AGAP1: variants seen among roughly 807,000 people sequenced by gnomAD.
AGAP1 encodes the protein ArfGAP with GTPase domain, ankyrin repeat and PH domain 1.
AGAP1 carries 29 observed loss-of-function variants against 105.3 expected under a neutral mutation model. The observed-to-expected ratio is 0.28, with a 90% CI of 0.21 to 0.38. AGAP1 has a LOEUF of 0.38. Among genes scored for constraint, AGAP1 ranks in the 10% least tolerant of loss-of-function variants. The pLI is 1.00. For missense variants in AGAP1, 998 were observed against 1,165.1 expected (o/e 0.86, Z 2.09); for synonymous variants, 509 against 485.9 (o/e 1.05, Z -0.63).
At chr2:235,897,318 G>A (rs2050853722) in intron 10 of AGAP1, among the ~76,000 whole-genome samples, 1 of 152,180 alleles carries the variant, frequency 6.6e-6, no homozygotes, top group Admixed American at 6.5e-5. Context: ...GGGATTACAG[G>A]CGTGAACCAC....
At chr2:235,899,242 G>A (rs532403665) in intron 10 of AGAP1, among the ~76,000 whole-genome samples, 1 of 152,304 alleles carries the variant, frequency 6.6e-6, no homozygotes, top group South Asian at 2.1e-4. Flanking sequence ...GCCGGGCGCG[G>A]TGGCTCGCAC....
At chr2:235,802,961 T>TGTGATGGTGATGATGGTTGTGATG (rs1448795066) in intron 8 of AGAP1, among the ~76,000 whole-genome samples, 2 of 24,208 alleles carry the variant, frequency 8.3e-5, no homozygotes, top group African/African-American at 1.7e-4. Context: ...TGATGATGGT[T>TGTGATGGTGATGATGGTTGTGATG]GTGATGATGG....
Position 236,003,175 on chromosome 2 carries a change from G to A in AGAP1, c.1646-33386G>A, listed in dbSNP as rs2056194802. ...TTCTTGTGCCTCAACCCCCCAAGTA[G>A]CTGGGACTACAGGCACATGCCGCCA... On this transcript the variant is annotated intron_variant, in intron 13 of 17. Coordinates refer to ENST00000304032, the MANE Select transcript of AGAP1 (RefSeq NM_001037131.3). This position sits in a 1 kb window ranked among gnomAD's most constrained non-coding sequence, Gnocchi z 4.2. Among the ~76,000 whole-genome samples the A allele has an allele frequency of 6.6e-6, 1 of 152,178 alleles. No individual in the cohort carries two copies. The highest frequency in any genetic ancestry group is 1.5e-5 in the Non-Finnish European group (1 of 68,026).
At chr2:235,829,726 C>G (rs187176163) in intron 9 of AGAP1, among the ~76,000 whole-genome samples, 16 of 152,218 alleles carry the variant, frequency 1.1e-4, no homozygotes, top group East Asian at 9.7e-4. Flanking sequence ...GCTTGGTGAC[C>G]CAGCCTGATG....
In AGAP1 at chr2:236,120,336, A is replaced by G; in HGVS notation, c.2259A>G (p.Ala753=). 6.2e-7 allele frequency: 1 copy of G among 1,612,240 alleles called. No individual in the cohort carries two copies. The highest frequency in any genetic ancestry group is 8.5e-7 in the Non-Finnish European group (1 of 1,179,690). ...TGCGGACGGCCATCCTGCTGCTGGC[A>G]CACGGCTCCCGGGACGAGGTGAACG... The part of the protein sequence containing the change: ...EDLRTAILLL[A]HGSRDEVNET... Residue 753 remains alanine, a synonymous_variant, in exon 17 of 18, where the codon GCA becomes GCG. Transcript: ENST00000304032. The surrounding 1 kb of genome is among the most constrained non-coding windows in gnomAD (Gnocchi z 6.0).
rs1261849497 is a variant in AGAP1, at chr2:235,623,238, C to T, written c.164-85941C>T. Among the ~76,000 whole-genome samples the T allele has an allele frequency of 1.3e-5, 2 of 152,200 alleles. No individual in the cohort carries two copies. The highest frequency in any genetic ancestry group is 2.4e-5 in the African/African-American group (1 of 41,446). On this transcript the variant is annotated intron_variant, in intron 1 of 17. Transcript: ENST00000304032. The surrounding 1 kb of genome is among the most constrained non-coding windows in gnomAD (Gnocchi z 4.5). ...GGATGGACTGTTTTGGAGATTTATG[C>T]GTGTTCTGCAGGCTGACCTCTGCTT...
In AGAP1 at chr2:235,934,126, G is replaced by A. The variant is rs930324819; in HGVS notation, c.1483+3203G>A. The stretch of plus-strand genomic sequence containing the variant: ...GCCTCCAGGAGCAGCAGCAGCAGCA[G>A]CCCCTGGGAACTGCTTAGAAATGTT... On this transcript the variant is annotated intron_variant, in intron 12 of 17. Transcript: ENST00000304032. This position sits in a 1 kb window ranked among gnomAD's most constrained non-coding sequence, Gnocchi z 4.9. 6.6e-6 allele frequency among the ~76,000 whole-genome samples: 1 copy of A among 152,198 alleles called. No homozygotes were observed. Among genetic ancestry groups the A allele is most frequent in the African/African-American group, 2.4e-5 (1 of 41,454 alleles).
intron 1 of AGAP1, among the ~76,000 whole-genome samples, chr2:235,644,681 T>C (rs1413196248): frequency 6.6e-6 from 1 of 152,092 alleles, no homozygotes; most frequent in Non-Finnish European, 1.5e-5. Flanking sequence ...ATTTGAGAGT[T>C]AGAACTGATA....
rs1477604222 is a variant in AGAP1 at position 236,120,020 on chromosome 2, G to A, written c.2115-172G>A. Among the ~76,000 whole-genome samples, 2 of 152,222 alleles carry A rather than the reference G, an allele frequency of 1.3e-5. No homozygotes were observed. The highest frequency in any genetic ancestry group is 4.8e-5 in the African/African-American group (2 of 41,464). The stretch of plus-strand genomic sequence containing the variant: ...GGCTGATGCTGCTGGTGAGGATACT[G>A]TTTTGTGAAGGTGGATAAACGTTTC... On this transcript the variant is annotated intron_variant, in intron 16 of 17. Transcript: ENST00000304032. This position sits in a 1 kb window ranked among gnomAD's most constrained non-coding sequence, Gnocchi z 6.0.
chr2:236,052,048 G>A (rs1162883920), intron 16 of AGAP1, among the ~76,000 whole-genome samples: 5 of 152,020 alleles, frequency 3.3e-5, no homozygotes, highest in Admixed American at 2.0e-4. Flanking sequence ...GCCCCACTCC[G>A]CCCCTCCTGG....
At chr2:235,797,672 T>A in intron 6 of AGAP1, 87 bp from the exon 7 acceptor site, 18 of 1,529,220 alleles carry the variant, frequency 1.2e-5, no homozygotes, top group Non-Finnish European at 1.6e-5. Context: ...AAATAACAGA[T>A]TTCGACAACA....
chr2:235,546,962 G>T (rs984931008), intron 1 of AGAP1, among the ~76,000 whole-genome samples: 3 of 152,212 alleles, frequency 2.0e-5, no homozygotes, highest in African/African-American at 7.2e-5. Context: ...CTCTCCACCC[G>T]TAGGGACCTG....
intron 13 of AGAP1, among the ~76,000 whole-genome samples, chr2:236,019,122 A>C (rs1343376111): frequency 6.6e-6 from 1 of 151,962 alleles, no homozygotes; most frequent in African/African-American, 2.4e-5. Context: ...GAGACTTCCA[A>C]CTCATTCACA....
rs1164557247 is a variant in AGAP1 at position 235,882,218 on chromosome 2, A to G, written c.1051-1127A>G. 2 of 375,472 alleles carry G rather than the reference A, an allele frequency of 5.3e-6. No individual in the cohort carries two copies. The highest frequency in any genetic ancestry group is 1.0e-4 in the East Asian group (2 of 19,386). The allele number at this position is 375,472 out of a possible 1,614,324, so 23.3% of individuals were successfully genotyped here. On this transcript the variant is annotated intron_variant, in intron 9 of 17. Transcript: ENST00000304032. The surrounding 1 kb of genome is among the most constrained non-coding windows in gnomAD (Gnocchi z 4.6). ...GCAATCTGATTGGGGGTGGTCCTTCAGAGACCCACAGGCCAGTGGCATCGG... is the reference window on the plus strand; with the variant it reads ...GCAATCTGATTGGGGGTGGTCCTTCGGAGACCCACAGGCCAGTGGCATCGG...
rs369150658 is a variant in AGAP1, at chr2:235,792,274, C to A, written c.674-5485C>A. Among the ~76,000 whole-genome samples the A allele has an allele frequency of 4.1e-4, 63 of 152,282 alleles. No homozygotes were observed. The highest frequency in any genetic ancestry group is 1.4e-3 in the African/African-American group (59 of 41,558). ...TGTGTCTTCCTTAGTTCTCTGCCCC[C>A]ACTTTTCCCCACCCTTCACGTGTCA... On this transcript the variant is annotated intron_variant, in intron 6 of 17. Coordinates refer to ENST00000304032, the MANE Select transcript of AGAP1 (RefSeq NM_001037131.3). The surrounding 1 kb of genome is among the most constrained non-coding windows in gnomAD (Gnocchi z 5.3).
In AGAP1 at chr2:235,769,762, G is replaced by T. The variant is rs1184019903; in HGVS notation, c.673+19274G>T. On this transcript the variant is annotated intron_variant, in intron 6 of 17. Coordinates refer to ENST00000304032, the MANE Select transcript of AGAP1 (RefSeq NM_001037131.3). This position sits in a 1 kb window ranked among gnomAD's most constrained non-coding sequence, Gnocchi z 4.4. ...AGGTGCCGCCTCTCACCTGGTCCTG[G>T]ATCATGGGGGAGGCACAGGCGACGC... 2.0e-5 allele frequency among the ~76,000 whole-genome samples: 3 copies of T among 152,288 alleles called. No individual in the cohort carries two copies. The East Asian group carries it at 5.8e-4, about 29-fold the overall frequency.
In AGAP1 at chr2:235,615,573, A is replaced by G. The variant is rs1946281885; in HGVS notation, c.164-93606A>G. Among the ~76,000 whole-genome samples the G allele has an allele frequency of 6.6e-6, 1 of 152,206 alleles. No individual in the cohort carries two copies. The highest frequency in any genetic ancestry group is 2.4e-5 in the African/African-American group (1 of 41,452). ...CCATTGCAACCTATTTTTTAATGCC[A>G]AGAGAAAGTATTTTAAGGAAGTGGG... is the stretch of plus-strand genomic sequence containing the variant. On this transcript the variant is annotated intron_variant, in intron 1 of 17. Coordinates refer to ENST00000304032, the MANE Select transcript of AGAP1 (RefSeq NM_001037131.3). This position sits in a 1 kb window ranked among gnomAD's most constrained non-coding sequence, Gnocchi z 5.0.
In AGAP1 at chr2:235,893,268, C is replaced by T. The variant is rs897696509; in HGVS notation, c.1155+9819C>T. On this transcript the variant is annotated intron_variant, in intron 10 of 17. Transcript: ENST00000304032. This position sits in a 1 kb window ranked among gnomAD's most constrained non-coding sequence, Gnocchi z 4.7. ...GTGTGCCATGTCCATCATAAGGAAG[C>T]GCCGTGTCTGTAGCGTGGGTGTAGC... Among the ~76,000 whole-genome samples, 9 of 149,434 alleles carry T rather than the reference C, an allele frequency of 6.0e-5. No individual in the cohort carries two copies. The highest frequency in any genetic ancestry group is 1.7e-4 in the African/African-American group (7 of 40,286).
chr2:235,534,235 G>T (rs529987508), intron 1 of AGAP1, among the ~76,000 whole-genome samples: 3 of 152,204 alleles, frequency 2.0e-5, no homozygotes, highest in Non-Finnish European at 4.4e-5. Flanking sequence ...AAATGGGACC[G>T]ATAGCGTGCG....
Sources: allele counts gnomAD v4.1 joint callset (sites outside exome capture counted in the v4.1 genomes callset), GRCh38; gene constraint gnomAD v4.1.1; non-coding constraint Gnocchi (gnomAD v3.1); transcripts MANE v1.5; gene names NCBI Gene and HGNC (gene_info 2026-07-23, HGNC 2026-07-21).